SOCS2: variants seen among roughly 807,000 people sequenced by gnomAD.
SOCS2 encodes CIS-2.
A neutral mutation model predicts 18.6 loss-of-function variants in SOCS2; 10 were observed. The ratio of observed to expected loss-of-function variants is 0.54; its 90% CI spans 0.33 to 0.91. The LOEUF (loss-of-function observed/expected upper bound fraction) is 0.91, where lower values mean the gene tolerates loss of function less well. Ranked by LOEUF, SOCS2 falls within the 40% of genes least tolerant of loss-of-function variation. The pLI is 0.02. For synonymous variants in SOCS2, 104 were observed against 104.0 expected, an observed-to-expected ratio of 1.00 and a Z score of 0.00; for missense variants, 231 against 247.2, an observed-to-expected ratio of 0.93 and a Z score of 0.44.
the SOCS2 span, among the ~76,000 whole-genome samples, chr12:93,595,310 AT>A: frequency 5.3e-5 from 8 of 152,086 alleles, no homozygotes; most frequent in African/African-American, 9.7e-5. Context: ...ACATTTTAGA[AT>A]TTTTTCCCCC....
chr12:93,601,950 C>G, the SOCS2 span, among the ~76,000 whole-genome samples: 1 of 152,194 alleles, frequency 6.6e-6, no homozygotes, highest in East Asian at 1.9e-4. Context: ...GATTTAACAA[C>G]CTTATATCAC....
the SOCS2 span, among the ~76,000 whole-genome samples, chr12:93,591,706 T>C: frequency 0.19 from 29,364 of 152,110 alleles, 3,112 homozygotes; most frequent in East Asian, 0.32. Flanking sequence ...CCCAGGACCT[T>C]ATGTAACCCA....
At chr12:93,578,141 G>A (rs994261699), downstream of SOCS2, among the ~76,000 whole-genome samples, 3 of 152,164 alleles carry the variant, frequency 2.0e-5, no homozygotes, top group African/African-American at 7.2e-5. Flanking sequence ...TGGAACTTTG[G>A]ATAGTGGAGA....
At chr12:93,618,963 C>T in the SOCS2 span, among the ~76,000 whole-genome samples, 5 of 152,136 alleles carry the variant, frequency 3.3e-5, no homozygotes, top group African/African-American at 9.7e-5. Context: ...CAGGCACACA[C>T]CAGCACACCC....
downstream of SOCS2, among the ~76,000 whole-genome samples, chr12:93,585,128 C>T (rs1345291778): frequency 6.6e-6 from 1 of 152,000 alleles, no homozygotes; most frequent in Admixed American, 6.6e-5. Context: ...CAAGCTCTTC[C>T]CTATCACTCC....
chr12:93,579,906 G>A (rs1000435642), downstream of SOCS2, among the ~76,000 whole-genome samples: 3 of 152,174 alleles, frequency 2.0e-5, no homozygotes, highest in Non-Finnish European at 4.4e-5. Flanking sequence ...AAAACTAACT[G>A]CTTTTACAGA....
Position 93,572,722 on chromosome 12 carries a change from C to T in SOCS2, c.-176C>T, listed in dbSNP as rs1373077953. 38 of 861,510 alleles carry T rather than the reference C, an allele frequency of 4.4e-5. No homozygotes were observed. Among genetic ancestry groups the T allele is most frequent in the Non-Finnish European group, 6.8e-5 (36 of 530,738 alleles). The allele number at this position is 861,510 out of a possible 1,614,324, so 53.4% of individuals were successfully genotyped here. ...TGACCGCGGCTGCGAGGGACTTTGT[C>T]ATCCGTCCTCCAGGATCTGGGGAGA... is the stretch of plus-strand genomic sequence containing the variant. On this transcript the variant is annotated 5_prime_UTR_variant, in exon 1 of 2. Coordinates refer to ENST00000551556, the MANE Select transcript of SOCS2 (RefSeq NM_001270471.2). The surrounding 1 kb of genome is among the most constrained non-coding windows in gnomAD (Gnocchi z 5.0).
the SOCS2 span, among the ~76,000 whole-genome samples, chr12:93,598,193 T>C: frequency 1.3e-5 from 2 of 151,920 alleles, no homozygotes; most frequent in South Asian, 2.1e-4. Flanking sequence ...CAAAACCTGA[T>C]TGATGAGAAG....
At chr12:93,613,023 C>A in the SOCS2 span, among the ~76,000 whole-genome samples, 1 of 152,152 alleles carries the variant, frequency 6.6e-6, no homozygotes, top group Non-Finnish European at 1.5e-5. Context: ...GAGACAAAGA[C>A]GGAAAACAGC....
the SOCS2 span, among the ~76,000 whole-genome samples, chr12:93,614,539 CCTTCTTTCTTT>C: frequency 8.5e-5 from 7 of 82,530 alleles, no homozygotes; most frequent in Admixed American, 2.9e-4. Flanking sequence ...TTCCTTCCTT[CCTTCTTTCTTT>C]CTTTCTTTCT....
At chr12:93,598,262 A>G in the SOCS2 span, among the ~76,000 whole-genome samples, 1 of 152,194 alleles carries the variant, frequency 6.6e-6, no homozygotes, top group Non-Finnish European at 1.5e-5. Context: ...AAGGAAGGGC[A>G]ACAAGCACAA....
intron 1 of SOCS2, 133 bp downstream of exon 1, chr12:93,573,169 G>C (rs1391543092): frequency 1.7e-6 from 2 of 1,203,926 alleles, no homozygotes; most frequent in Non-Finnish European, 1.2e-6. Flanking sequence ...ACCGCGGAGA[G>C]CACGCTCGCA....
downstream of SOCS2, among the ~76,000 whole-genome samples, chr12:93,581,329 T>C (rs1465364050): frequency 6.6e-6 from 1 of 152,174 alleles, no homozygotes; most frequent in Non-Finnish European, 1.5e-5. Context: ...TGAGACCTCA[T>C]TAGGGTAAGA....
chr12:93,578,800 CT>C (rs1419246146), downstream of SOCS2, among the ~76,000 whole-genome samples: 1 of 152,092 alleles, frequency 6.6e-6, no homozygotes, highest in Non-Finnish European at 1.5e-5. Flanking sequence ...AAGTTGCACG[CT>C]CCTACCCTTT....
the SOCS2 span, among the ~76,000 whole-genome samples, chr12:93,592,380 A>G: frequency 2.0e-5 from 3 of 152,210 alleles, no homozygotes; most frequent in Non-Finnish European, 2.9e-5. Context: ...TGATTGAATC[A>G]GTCTCCTGCT....
At chr12:93,614,480 T>TTTCTTTTTCTTTCC in the SOCS2 span, among the ~76,000 whole-genome samples, 2 of 26,134 alleles carry the variant, frequency 7.7e-5, 1 homozygote, top group African/African-American at 4.4e-4. Context: ...CCTTCCTTCC[T>TTTCTTTTTCTTTCC]TTCCTTCCTT....
chr12:93,571,652 G>A (rs1015143662), upstream of SOCS2: 7 of 225,364 alleles, frequency 3.1e-5, no homozygotes, highest in Admixed American at 6.2e-5. Flanking sequence ...CGCGCGGTGG[G>A]GGATGGGGTC....
chr12:93,619,331 G>A, the SOCS2 span, among the ~76,000 whole-genome samples: 1 of 152,178 alleles, frequency 6.6e-6, no homozygotes, highest in Non-Finnish European at 1.5e-5. Flanking sequence ...ACAGTCCATA[G>A]GGGTCAGACT....
At chr12:93,623,211 G>T in the SOCS2 span, among the ~76,000 whole-genome samples, 1 of 152,004 alleles carries the variant, frequency 6.6e-6, no homozygotes, top group African/African-American at 2.4e-5. Context: ...GAGATCTGAT[G>T]GTTTAAGTGC....
Sources: gnomAD v4.1 joint callset for allele counts (sites outside exome capture counted in the v4.1 genomes callset) on GRCh38, gnomAD v4.1.1 for gene constraint, Gnocchi (gnomAD v3.1) non-coding constraint, MANE v1.5 for transcripts, NCBI Gene and HGNC (gene_info 2026-07-23, HGNC 2026-07-21) for gene names.